Variants in COL4A6 observed in about 807,000 individuals in gnomAD.
COL4A6 encodes the protein collagen type IV alpha 6 chain.
A neutral mutation model predicts 126.7 loss-of-function variants in COL4A6; 59 were observed. The ratio of observed to expected loss-of-function variants is 0.47; its 90% CI spans 0.38 to 0.58. The LOEUF is 0.58. COL4A6 is among the 20% of genes least tolerant of loss of function. COL4A6 has a pLI of 0.00. For synonymous variants in COL4A6, 547 were observed against 496.6 expected (o/e 1.10, Z -1.35); for missense variants, 1,285 against 1,337.3 (o/e 0.96, Z 0.61).
chrX:108,406,857 TG>T (rs1409423934), intron 2 of COL4A6, among the ~76,000 whole-genome samples: 1 of 111,637 alleles, frequency 9.0e-6, no homozygotes, highest in East Asian at 2.8e-4. Flanking sequence ...GGCATTTTTT[TG>T]TGTGTGTCTG....
intron 3 of COL4A6, among the ~76,000 whole-genome samples, chrX:108,223,534 C>T (rs2036080028): frequency 9.0e-6 from 1 of 110,905 alleles, no homozygotes; most frequent in African/African-American, 3.3e-5. Context: ...TTACATTTTG[C>T]CCATGGCTGG....
intron 3 of COL4A6, among the ~76,000 whole-genome samples, chrX:108,278,388 A>G (rs746601587): frequency 6.2e-5 from 7 of 112,287 alleles, no homozygotes; most frequent in African/African-American, 2.3e-4. Context: ...AAGAAAGGGT[A>G]TCAGTGATGG....
In COL4A6 at chrX:108,256,546, C is replaced by T. The variant is rs774238380; in HGVS notation, c.145-35172G>A. Among the ~76,000 whole-genome samples, 3 of 111,549 alleles carry T rather than the reference C, an allele frequency of 2.7e-5. No individual in the cohort carries two copies. The South Asian group carries it at 1.1e-3, about 43-fold the overall frequency. On this transcript the variant is annotated intron_variant, in intron 3 of 44. Transcript: ENST00000334504. The stretch of plus-strand genomic sequence containing the variant: ...TAGGAACTTGCCTAAGGTCACACAT[C>T]TTAAGAGTCAGAGCCAGGATTTGAA...
intron 3 of COL4A6, among the ~76,000 whole-genome samples, chrX:108,235,855 A>T (rs2036416902): frequency 9.0e-6 from 1 of 110,564 alleles, no homozygotes; most frequent in Non-Finnish European, 1.9e-5. Context: ...GGAGGGGGGA[A>T]GTGGCAGTCA....
chrX:108,354,192 T>C (rs952674555), intron 2 of COL4A6, among the ~76,000 whole-genome samples: 5 of 109,035 alleles, frequency 4.6e-5, no homozygotes, highest in African/African-American at 6.7e-5. Flanking sequence ...ATGAGAAGAG[T>C]AATTTAGAAA....
chrX:108,173,328 C>T (rs192495053), intron 31 of COL4A6, among the ~76,000 whole-genome samples: 1 of 112,315 alleles, frequency 8.9e-6, no homozygotes, highest in African/African-American at 3.2e-5. Flanking sequence ...GGCACATTGC[C>T]ATATCTTCTA....
rs777747430 is a variant in COL4A6, at chrX:108,333,085, G to A, written c.64-22257C>T. ...TTCCAGCCTTATTTATTGATAGAGG[G>A]CACTTTCCTCAATGAATATTCTTGT... On this transcript the variant is annotated intron_variant, in intron 2 of 44. Transcript: ENST00000334504. Among the ~76,000 whole-genome samples the A allele has an allele frequency of 1.6e-4, 18 of 110,783 alleles. No homozygotes were observed. The East Asian group carries it at 4.8e-3, about 30-fold the overall frequency.
intron 2 of COL4A6, among the ~76,000 whole-genome samples, chrX:108,381,313 A>C (rs2040553725): frequency 8.9e-6 from 1 of 111,869 alleles, no homozygotes; most frequent in South Asian, 3.8e-4. Context: ...GGGGCAGCTC[A>C]TTAAGTCCAG....
intron 7 of COL4A6, among the ~76,000 whole-genome samples, chrX:108,210,769 T>C (rs997738874): frequency 9.0e-6 from 1 of 111,600 alleles, no homozygotes; most frequent in Non-Finnish European, 1.9e-5. Flanking sequence ...AAATGAGCAA[T>C]ACGAGTCCAA....
chrX:108,195,273 G>GA, intron 14 of COL4A6, 147 bp from the exon 15 acceptor site: 1 of 323,466 alleles, frequency 3.1e-6, no homozygotes, highest in Non-Finnish European at 5.4e-6. Context: ...CTAGCTTAAC[G>GA]ACTTTTTTTT....
At chrX:108,266,730 A>G (rs1458750437) in intron 3 of COL4A6, among the ~76,000 whole-genome samples, 1 of 112,051 alleles carries the variant, frequency 8.9e-6, no homozygotes, top group Non-Finnish European at 1.9e-5. Context: ...AGCATTTAGC[A>G]TATTGCCTGG....
chrX:108,236,346 C>G (rs1197681948), intron 3 of COL4A6, among the ~76,000 whole-genome samples: 1 of 110,881 alleles, frequency 9.0e-6, no homozygotes, highest in South Asian at 3.9e-4. Flanking sequence ...GGGGTTGTTA[C>G]GGGGGTGGGA....
At chrX:108,177,389 G>A (rs1331636553) in intron 27 of COL4A6, among the ~76,000 whole-genome samples, 4 of 112,128 alleles carry the variant, frequency 3.6e-5, no homozygotes, top group African/African-American at 1.3e-4. Context: ...TCTGAATCAC[G>A]CCACAATGGC....
intron 5 of COL4A6, among the ~76,000 whole-genome samples, chrX:108,219,064 T>A (rs1055787014): frequency 4.5e-5 from 5 of 111,898 alleles, no homozygotes; most frequent in African/African-American, 1.6e-4. Flanking sequence ...AGATACAGGA[T>A]GAAAATAGAG....
intron 2 of COL4A6, among the ~76,000 whole-genome samples, chrX:108,335,434 T>C (rs1439074884): frequency 1.8e-5 from 2 of 112,159 alleles, no homozygotes; most frequent in Non-Finnish European, 3.8e-5. Context: ...TTCCCATGTC[T>C]ATTTTGATTC....
chrX:108,355,390 G>A (rs1264224924), intron 2 of COL4A6, among the ~76,000 whole-genome samples: 1 of 112,280 alleles, frequency 8.9e-6, no homozygotes, highest in Non-Finnish European at 1.9e-5. Context: ...TGACAGACAA[G>A]GTGCACTGGC....
At chrX:108,386,326 A>G (rs757010751) in intron 2 of COL4A6, among the ~76,000 whole-genome samples, 7 of 111,583 alleles carry the variant, frequency 6.3e-5, no homozygotes, top group South Asian at 3.8e-4. Flanking sequence ...ACTAATTTAC[A>G]CTCCCACCAA....
chrX:108,225,700 T>C (rs1465141630), intron 3 of COL4A6, among the ~76,000 whole-genome samples: 1 of 112,892 alleles, frequency 8.9e-6, no homozygotes, highest in Non-Finnish European at 1.9e-5. Context: ...AGTAGACATA[T>C]GTAGATATAT....
At chrX:108,346,655 T>C (rs980980087) in intron 2 of COL4A6, among the ~76,000 whole-genome samples, 9 of 112,502 alleles carry the variant, frequency 8.0e-5, no homozygotes, top group Non-Finnish European at 1.5e-4. Context: ...TCTAGGCTAA[T>C]TGATACAAAC....
Sources: allele counts gnomAD v4.1 joint callset (sites outside exome capture counted in the v4.1 genomes callset), GRCh38; gene constraint gnomAD v4.1.1; transcripts MANE v1.5; gene names NCBI Gene and HGNC (gene_info 2026-07-23, HGNC 2026-07-21).